STK11IP: variants seen among roughly 807,000 people sequenced by gnomAD.
STK11IP encodes serine/threonine-protein kinase 11-interacting protein.
STK11IP carries 103 observed loss-of-function variants against 131.7 expected under a neutral mutation model. The observed-to-expected ratio is 0.78, with a 90% confidence interval of 0.67 to 0.92. The LOEUF is 0.92. Ranked by LOEUF, STK11IP falls within the 40% of genes least tolerant of loss-of-function variation. The probability of loss-of-function intolerance (pLI) is 0.00; values close to 1 mark genes in which losing one functional copy is unlikely to be tolerated. For missense variants in STK11IP, 1,315 were observed against 1,385.7 expected, an observed-to-expected ratio of 0.95 and a Z score of 0.81; for synonymous variants, 557 against 575.6, an observed-to-expected ratio of 0.97 and a Z score of 0.46.
At chr2:219,603,670 G>A (rs187143756) in intron 7 of STK11IP, among the ~76,000 whole-genome samples, 1,540 of 151,872 alleles carry the variant, frequency 0.01, 8 homozygotes, top group Non-Finnish European at 0.016. Context: ...ACAGGTGCCC[G>A]CCACCATGCC....
In STK11IP at chr2:219,606,221, G is replaced by T; in HGVS notation, c.876G>T (p.Trp292Cys). ...TCTACCTGGAGGGGAACCCTCTTTG[G>T]TTCCACCCTGAGCACCGAGCAGCCA... ...RKLYLEGNPLWFHPEHRAATA... is the reference protein window; with the variant it reads ...RKLYLEGNPLCFHPEHRAATA... The change falls in exon 10 of 25, where the codon TGG (tryptophan) becomes TGT (cysteine). Residue 292 changes from tryptophan (W) to cysteine (C), a missense_variant. Physicochemically the swap from Trp to Cys is radical, Grantham distance 215 (BLOSUM62 -2). Transcript: ENST00000456909. 7 of 1,569,966 alleles carry T rather than the reference G, an allele frequency of 4.5e-6. No individual in the cohort carries two copies. The South Asian group carries it at 7.0e-5, about 16-fold the overall frequency.
intron 24 of STK11IP, 184 bp from the exon 25 acceptor site, chr2:219,615,860 C>T (rs973415285): frequency 1.3e-5 from 11 of 823,718 alleles, no homozygotes; most frequent in East Asian, 5.3e-5. Context: ...TTTCAGTAAA[C>T]GTCGGCTGGA....
At position 219,601,236 on chromosome 2, in the gene STK11IP, G is replaced by T; in HGVS notation, c.63G>T (p.Gly21=). Residue 21 remains glycine (G), a splice_region_variant and synonymous_variant, in exon 3 of 25, where the codon GGG becomes GGT. Transcript: ENST00000456909. ...WKLAGLLRES[G]DVVLSGCSTL... is the part of the protein sequence containing the mutation. ...TCCTGTTTGCCCCTTTTTCTGCAGG[G>T]GATGTGGTCCTGTCTGGCTGTAGCA... is the stretch of plus-strand genomic sequence containing the variant. 1 of 1,608,482 alleles carries T rather than the reference G, an allele frequency of 6.2e-7. No homozygotes were observed. Among genetic ancestry groups the T allele is most frequent in the Non-Finnish European group, 8.5e-7 (1 of 1,175,906 alleles).
rs557631445 is a variant in STK11IP, at chr2:219,614,615, G to A, written c.2869+69G>A. The A allele has an allele frequency of 2.4e-4, 356 of 1,482,178 alleles. 2 individuals carry two copies. Among genetic ancestry groups the A allele is most frequent in the South Asian group, 2.2e-3 (196 of 87,446 alleles). 91.8% of individuals were successfully genotyped at this position (1,482,178 alleles called of 1,614,324 possible). ...TACCTTGTCACAGGCACTGGCCCAC[G>A]CGCAGCACCTGTACAGTGCCCTTGC... On this transcript the variant is annotated intron_variant, in intron 23 of 24. Transcript: ENST00000456909.
In STK11IP at chr2:219,608,081, C is replaced by T. The variant is rs780163643; in HGVS notation, c.1254C>T (p.Leu418=). 1 of 1,612,570 alleles carries T rather than the reference C, an allele frequency of 6.2e-7. No homozygotes were observed. ...WFVQQHPELE[L]MSSFRERFGR... Reference sequence around the variant, plus strand: ...TGCAGCAGCACCCGGAGCTGGAGCTCATGAGCAGCTTCCGGGAACGGTTCG... The same window carrying T: ...TGCAGCAGCACCCGGAGCTGGAGCTTATGAGCAGCTTCCGGGAACGGTTCG... The change falls in exon 14 of 25, where the codon CTC becomes CTT. Residue 418 remains leucine (L), a synonymous_variant. Transcript: ENST00000456909.
intron 17 of STK11IP, 138 bp from the exon 18 acceptor site, chr2:219,611,466 G>A: frequency 1.1e-5 from 8 of 703,514 alleles, no homozygotes; most frequent in Admixed American, 4.6e-5. Flanking sequence ...CTGGTGGCCT[G>A]GGGCGCGGTG....
chr2:219,607,033 C>T lies in STK11IP; in HGVS notation c.1135-20C>T, dbSNP rs1360266895. On this transcript the variant is annotated intron_variant, in intron 12 of 24. Transcript: ENST00000456909. Reference sequence around the variant, plus strand: ...TGGAGGCTTGGCTTTCACAGAACTTCTTCCCTCCACCAACCTCAGAGCCGA... The same window carrying T: ...TGGAGGCTTGGCTTTCACAGAACTTTTTCCCTCCACCAACCTCAGAGCCGA... 3.1e-6 allele frequency: 5 copies of T among 1,613,844 alleles called. No homozygotes were observed. The East Asian group carries it at 6.7e-5, about 22-fold the overall frequency.
chr2:219,606,799 C>G lies in STK11IP; in HGVS notation c.1075C>G (p.Leu359Val), dbSNP rs754029513. ...STPETSGGPD[L>V]SDSLSSGGVV... Reference sequence around the variant, plus strand: ...TCCTGAAACCTCAGGTGGCCCTGACCTGAGTGACAGCCTCTCCTCAGGGGG... The same window carrying G: ...TCCTGAAACCTCAGGTGGCCCTGACGTGAGTGACAGCCTCTCCTCAGGGGG... The change falls in exon 12 of 25, where the codon CTG (leucine) becomes GTG (valine). Residue 359 changes from leucine to valine, a missense_variant. Coordinates refer to ENST00000456909, the MANE Select transcript of STK11IP (RefSeq NM_052902.4). The G allele has an allele frequency of 1.5e-5, 25 of 1,613,658 alleles. No homozygotes were observed. Among genetic ancestry groups the G allele is most frequent in the Non-Finnish European group, 2.0e-5 (24 of 1,179,844 alleles).
At chr2:219,610,445 C>T (rs1698358299) in intron 17 of STK11IP, among the ~76,000 whole-genome samples, 1 of 151,978 alleles carries the variant, frequency 6.6e-6, no homozygotes, top group Non-Finnish European at 1.5e-5. Context: ...CTCTGTTGCC[C>T]AGGCTGGAGT....
In STK11IP at chr2:219,607,187, CTAATTTT is replaced by C. The variant is rs777966911; in HGVS notation, c.1219+54_1219+60del. 1.2e-4 allele frequency: 192 copies of C among 1,570,842 alleles called. 1 individual carries two copies. Among genetic ancestry groups the C allele is most frequent in the Non-Finnish European group, 1.6e-4 (179 of 1,142,976 alleles). ...CTCTCTCGTCCCCAGCGAGCTCACT[CTAATTTT>C]TAAGTTACAGTGAAGATCTGCTGGA... is the stretch of plus-strand genomic sequence containing the variant. On this transcript the variant is annotated intron_variant, in intron 13 of 24. Transcript: ENST00000456909.
At chr2:219,614,818 G>A (rs764034456) in intron 23 of STK11IP, 94 of 637,538 alleles carry the variant, frequency 1.5e-4, no homozygotes, top group Non-Finnish European at 2.2e-4. Context: ...TGGCTGAGTC[G>A]GCCCTGCCTC....
chr2:219,609,314 C>T (rs764041676), intron 16 of STK11IP, 49 bp from the exon 17 acceptor site: 64 of 1,597,492 alleles, frequency 4.0e-5, no homozygotes, highest in East Asian at 6.8e-5. Flanking sequence ...GGGAGGTGTC[C>T]GTCTGGGGTC....
At position 219,608,788 on chromosome 2, in the gene STK11IP, G is replaced by A. The variant is rs370903621; in HGVS notation, c.1809G>A (p.Thr603=). ...EAQAQRSPRP[T]GSDLLPGAPI... is the part of the protein sequence containing the mutation. The stretch of plus-strand genomic sequence containing the variant: ...AGGCCCAGAGGTCGCCCAGGCCCAC[G>A]GTGAGTGGGGCGTGGCAGGGTCTCT... Residue 603 remains threonine, a splice_region_variant and synonymous_variant, in exon 15 of 25, where the codon ACG becomes ACA. Coordinates refer to ENST00000456909, the MANE Select transcript of STK11IP (RefSeq NM_052902.4). The A allele has an allele frequency of 3.8e-5, 60 of 1,597,768 alleles. No homozygotes were observed. In the Admixed American group the frequency reaches 5.6e-4, roughly 15 times the overall value.
chr2:219,607,159 A>C, intron 13 of STK11IP, 22 bp downstream of exon 13: 1 of 1,610,698 alleles, frequency 6.2e-7, no homozygotes, highest in Non-Finnish European at 8.5e-7. Flanking sequence ...TCATCCCACT[A>C]ACCTCTCTCG....
At position 219,609,457 on chromosome 2, in the gene STK11IP, G is replaced by A. The variant is rs779753330; in HGVS notation, c.2021G>A (p.Arg674His). Residue 674 changes from arginine to histidine, a missense_variant, in exon 17 of 25, where the codon CGC (arginine) becomes CAC (histidine). Transcript: ENST00000456909. ...CTGCTGGGTAGATTCCAGTGTCTAC[G>A]CTGTGGCCATGAGTTCAAGCCAGAG... is the stretch of plus-strand genomic sequence containing the variant. ...DLLLGRFQCL[R>H]CGHEFKPEEP... The A allele has an allele frequency of 9.9e-6, 16 of 1,610,814 alleles. No homozygotes were observed. Among genetic ancestry groups the A allele is most frequent in the Admixed American group, 8.4e-5 (5 of 59,526 alleles).
chr2:219,598,112 C>T lies in STK11IP; in HGVS notation c.-8C>T, dbSNP rs960652578. 6 of 1,590,772 alleles carry T rather than the reference C, an allele frequency of 3.8e-6. No individual in the cohort carries two copies. Among genetic ancestry groups the T allele is most frequent in the African/African-American group, 2.7e-5 (2 of 74,032 alleles). On this transcript the variant is annotated 5_prime_UTR_variant, in exon 2 of 25. Transcript: ENST00000456909. ...CCCCCAGGCTCCGCCCCCCAGCGTCCCGTGGCCATGACGACCGCTCAGAGG... is the reference window on the plus strand; with the variant it reads ...CCCCCAGGCTCCGCCCCCCAGCGTCTCGTGGCCATGACGACCGCTCAGAGG...
At position 219,614,177 on chromosome 2, in the gene STK11IP, G is replaced by GC; in HGVS notation, c.2738dup (p.Ala914CysfsTer43). ...TCTGTCTAGATGTCTTGCAGTCTCT[G>GC]CCCCCTGCCTGGAGGAACTGTGTCA... On this transcript the variant is annotated frameshift_variant, in exon 22 of 25. Transcript: ENST00000456909. LOFTEE classifies it high-confidence loss of function. The GC allele has an allele frequency of 6.2e-7, 1 of 1,613,480 alleles. No homozygotes were observed. The highest frequency in any genetic ancestry group is 8.5e-7 in the Non-Finnish European group (1 of 1,179,738).
At position 219,608,520 on chromosome 2, in the gene STK11IP, G is replaced by A. The variant is rs556950713; in HGVS notation, c.1604-63G>A. 1.4e-4 allele frequency: 218 copies of A among 1,540,134 alleles called. No homozygotes were observed. In the Middle Eastern group the frequency reaches 3.9e-3, roughly 27 times the overall value. On this transcript the variant is annotated intron_variant, in intron 14 of 24. Coordinates refer to ENST00000456909, the MANE Select transcript of STK11IP (RefSeq NM_052902.4). ...GGCCTGGCGGGTGGAGGGCCAGTTC[G>A]GGGGAGGGCAGAGTGTGGGTACTTT...
At position 219,609,462 on chromosome 2, in the gene STK11IP, G is replaced by A. The variant is rs193260639; in HGVS notation, c.2026G>A (p.Gly676Ser). 11 of 1,610,246 alleles carry A rather than the reference G, an allele frequency of 6.8e-6. No individual in the cohort carries two copies. The highest frequency in any genetic ancestry group is 9.3e-6 in the Non-Finnish European group (11 of 1,178,446). ...GGGTAGATTCCAGTGTCTACGCTGT[G>A]GCCATGAGTTCAAGCCAGAGGAGCC... ...LLGRFQCLRC[G>S]HEFKPEEPRM... The change falls in exon 17 of 25, where the codon GGC becomes AGC. Residue 676 changes from glycine to serine, a missense_variant. Transcript: ENST00000456909.
Sources: allele counts gnomAD v4.1 joint callset (sites outside exome capture counted in the v4.1 genomes callset), GRCh38; gene constraint gnomAD v4.1.1; transcripts MANE v1.5; gene names NCBI Gene and HGNC (gene_info 2026-07-23, HGNC 2026-07-21).